Variants in STK36 observed in about 807,000 individuals in gnomAD.
STK36 encodes the protein serine/threonine-protein kinase 36.
Under a neutral mutation model 142.2 loss-of-function variants are expected in STK36, and 116 were observed. The ratio of observed to expected loss-of-function variants is 0.82; its 90% confidence interval spans 0.70 to 0.95. The LOEUF is 0.95. STK36 is among the 40% of genes least tolerant of loss of function. The pLI, the probability that STK36 is intolerant of heterozygous loss-of-function variation, is 0.00. For synonymous variants in STK36, 619 were observed against 641.7 expected (o/e 0.96, Z 0.53); for missense variants, 1,422 against 1,617.2 (o/e 0.88, Z 2.07).
chr2:218,692,028 A>G (rs1941019603), intron 14 of STK36, 115 bp from the exon 15 acceptor site: 1 of 1,276,918 alleles, frequency 7.8e-7, no homozygotes, highest in Non-Finnish European at 1.1e-6. Flanking sequence ...AAAATTAGAC[A>G]TGTGTTTGCT....
intron 14 of STK36, among the ~76,000 whole-genome samples, chr2:218,691,364 C>T (rs941821221): frequency 3.3e-5 from 5 of 152,022 alleles, no homozygotes; most frequent in South Asian, 2.1e-4. Context: ...TTTTAATATC[C>T]CTCACCCTTT....
intron 21 of STK36, 63 bp from the exon 22 acceptor site, chr2:218,696,464 C>G: frequency 1.4e-6 from 2 of 1,443,162 alleles, no homozygotes; most frequent in African/African-American, 1.4e-5. Context: ...ACTGACCTGC[C>G]TTGGTTTAAC....
At chr2:218,679,142 T>A in intron 6 of STK36, 26 bp from the exon 7 acceptor site, 1 of 1,607,414 alleles carries the variant, frequency 6.2e-7, no homozygotes, top group Non-Finnish European at 8.5e-7. Flanking sequence ...AAAGAATGAC[T>A]GATGGAATAT....
chr2:218,679,999 G>A lies in STK36; in HGVS notation c.1055G>A (p.Ser352Asn). ...PRLGATPQES[S>N]LLAGILASEL... ...CTCGGGGCCACTCCTCAGGAATCAA[G>A]CCTCCTGGCCGGGATCTTAGCCTCA... Residue 352 changes from serine (S) to asparagine (N), a missense_variant, in exon 9 of 27, where the codon AGC becomes AAC. Physicochemically the swap from Ser to Asn is conservative, Grantham distance 46. Around this residue, in one of 2 missense-constraint regions of STK36, gnomAD observed 460 missense variants for 449.6 expected, o/e 1.02. Coordinates refer to ENST00000295709, the MANE Select transcript of STK36 (RefSeq NM_015690.5). 2 of 1,614,184 alleles carry A rather than the reference G, an allele frequency of 1.2e-6. No individual in the cohort carries two copies. The highest frequency in any genetic ancestry group is 1.7e-6 in the Non-Finnish European group (2 of 1,180,022).
chr2:218,679,189 A>C lies in STK36; in HGVS notation c.706A>C (p.Thr236Pro). 1.2e-6 allele frequency: 2 copies of C among 1,614,148 alleles called. No homozygotes were observed. Among genetic ancestry groups the C allele is most frequent in the Non-Finnish European group, 1.7e-6 (2 of 1,180,014 alleles). ...CFKNFLQGLL[T>P]KDPRQRLSWP... is the part of the protein sequence containing the mutation. ...GTAGAACTTCCTGCAGGGACTGCTC[A>C]CCAAAGACCCACGGCAGCGACTGTC... The change falls in exon 7 of 27, where the codon ACC becomes CCC. Residue 236 changes from threonine to proline, a missense_variant. Around this residue, in one of 2 missense-constraint regions of STK36, gnomAD observed 460 missense variants for 449.6 expected, o/e 1.02. Transcript: ENST00000295709.
At position 218,679,976 on chromosome 2, in the gene STK36, C is replaced by T. The variant is rs368059764; in HGVS notation, c.1032C>T (p.Leu344=). 3.0e-5 allele frequency: 49 copies of T among 1,614,090 alleles called. No individual in the cohort carries two copies. The highest frequency in any genetic ancestry group is 5.3e-5 in the African/African-American group (4 of 74,950). ...CTGGCACAGCCCCTCTGCCCAGACT[C>T]GGGGCCACTCCTCAGGAATCAAGCC... ...VAPGTAPLPR[L]GATPQESSLL... Residue 344 remains leucine, a synonymous_variant, in exon 9 of 27, where the codon CTC becomes CTT. Transcript: ENST00000295709.
At chr2:218,685,014 TC>T in intron 10 of STK36, 70 bp from the exon 11 acceptor site, 1 of 1,583,198 alleles carries the variant, frequency 6.3e-7, no homozygotes, top group East Asian at 2.3e-5. Flanking sequence ...CCCCATGGTT[TC>T]TACTGGTTGG....
At chr2:218,675,571 C>T (rs1940202945) in intron 5 of STK36, 98 bp downstream of exon 5, 1 of 1,409,826 alleles carries the variant, frequency 7.1e-7, no homozygotes. Context: ...GTTACCCAGG[C>T]TGAAGTGCAA....
At chr2:218,685,878 C>G (rs1352259284) in intron 11 of STK36, among the ~76,000 whole-genome samples, 2 of 151,988 alleles carry the variant, frequency 1.3e-5, no homozygotes, top group Non-Finnish European at 1.5e-5. Flanking sequence ...AATTTAAAAA[C>G]TGTTAACCAT....
At chr2:218,673,369 T>A (rs1940078750) in intron 2 of STK36, 1 of 493,932 alleles carries the variant, frequency 2.0e-6, no homozygotes, top group African/African-American at 1.9e-5. Flanking sequence ...TCATCTTGAG[T>A]GCTGGTCAAA....
chr2:218,697,829 G>A (rs1211767162), intron 24 of STK36, 25 bp from the exon 25 acceptor site: 1 of 1,614,026 alleles, frequency 6.2e-7, no homozygotes, highest in Non-Finnish European at 8.5e-7. Context: ...ACAAGACCAA[G>A]TCTCTTCGAC....
intron 1 of STK36, chr2:218,672,481 G>C (rs1017977430): frequency 1.6e-5 from 5 of 315,704 alleles, no homozygotes; most frequent in Non-Finnish European, 3.0e-5. Context: ...GGGTTGGTTG[G>C]GCGAGGCTAG....
At chr2:218,686,519 T>C (rs1470953589) in intron 11 of STK36, among the ~76,000 whole-genome samples, 1 of 152,182 alleles carries the variant, frequency 6.6e-6, no homozygotes, top group Non-Finnish European at 1.5e-5. Context: ...TCCTCCCACC[T>C]TGGCCTCCCA....
In STK36 at chr2:218,692,124, C is replaced by G; in HGVS notation, c.1765-19C>G. The G allele has an allele frequency of 6.2e-7, 1 of 1,611,668 alleles. No individual in the cohort carries two copies. The highest frequency in any genetic ancestry group is 8.5e-7 in the Non-Finnish European group (1 of 1,177,968). On this transcript the variant is annotated intron_variant, in intron 14 of 26. Coordinates refer to ENST00000295709, the MANE Select transcript of STK36 (RefSeq NM_015690.5). ...GTCTTCTGATGCCCTGATGCTACCT[C>G]TGCACTTCTCTCCTTTAGTGCTTTA...
Position 218,673,704 on chromosome 2 carries a change from T to G in STK36, c.164T>G (p.Met55Arg). The change falls in exon 3 of 27, where the codon ATG (methionine) becomes AGG (arginine). Residue 55 changes from methionine (M) to arginine (R), a missense_variant. This residue lies in a region of STK36 where 460 missense variants were observed against 449.6 expected (regional missense o/e 1.02). Transcript: ENST00000295709. ...LRNLQREIEIMRGLRHPNIVH... is the reference protein window; with the variant it reads ...LRNLQREIEIRRGLRHPNIVH... ...AATTTGCAACGAGAGATTGAAATAA[T>G]GCGGGGTCTGCGGCATCCCAACATT... 1 of 1,614,186 alleles carries G rather than the reference T, an allele frequency of 6.2e-7. No individual in the cohort carries two copies. The highest frequency in any genetic ancestry group is 1.1e-5 in the South Asian group (1 of 91,080).
chr2:218,690,407 T>C lies in STK36; in HGVS notation c.1659-43T>C, dbSNP rs758290764. ...GACCCATTCACCACATCCAGGCTTTTAGTAGAGAGATAAGAAATCATGGGC... is the reference window on the plus strand; with the variant it reads ...GACCCATTCACCACATCCAGGCTTTCAGTAGAGAGATAAGAAATCATGGGC... On this transcript the variant is annotated intron_variant, in intron 13 of 26. Transcript: ENST00000295709. The C allele has an allele frequency of 3.1e-5, 47 of 1,536,072 alleles. No homozygotes were observed. The South Asian group carries it at 4.6e-4, about 15-fold the overall frequency.
Position 218,697,163 on chromosome 2 carries a change from T to C in STK36, c.2711T>C (p.Leu904Pro), listed in dbSNP as rs761852272. ...EASAQEGELSLSSPPSPEPDW... is the reference protein window; with the variant it reads ...EASAQEGELSPSSPPSPEPDW... ...TCTGCACAGGAAGGGGAGCTTTCGC[T>C]ATCCAGTCCACCAAGCCCTGAGCCA... The change falls in exon 23 of 27, where the codon CTA (leucine) becomes CCA (proline). Residue 904 changes from leucine to proline, a missense_variant. This residue lies in a region of STK36 where 962 missense variants were observed against 1,167.5 expected (regional missense o/e 0.82). Transcript: ENST00000295709. 1.3e-5 allele frequency: 21 copies of C among 1,614,170 alleles called. No individual in the cohort carries two copies. Among genetic ancestry groups the C allele is most frequent in the Non-Finnish European group, 1.6e-5 (19 of 1,180,034 alleles).
At chr2:218,693,144 A>T in intron 16 of STK36, 96 bp from the exon 17 acceptor site, 1 of 1,019,444 alleles carries the variant, frequency 9.8e-7, no homozygotes, top group Non-Finnish European at 1.5e-6. Flanking sequence ...AAGAGTGACT[A>T]GGAAGAGACT....
intron 21 of STK36, among the ~76,000 whole-genome samples, chr2:218,696,193 T>C (rs1296707558): frequency 2.0e-5 from 3 of 152,176 alleles, no homozygotes; most frequent in Admixed American, 6.5e-5. Context: ...CATTTTCACA[T>C]GTTATCCCAC....
Sources: allele counts gnomAD v4.1 joint callset (sites outside exome capture counted in the v4.1 genomes callset), GRCh38; gene constraint gnomAD v4.1.1; regional missense constraint gnomAD v4.1.1; transcripts MANE v1.5; gene names NCBI Gene and HGNC (gene_info 2026-07-23, HGNC 2026-07-21).